The following TRPM4 variants were observed in gnomAD, a reference collection of about 807,000 sequenced individuals.
TRPM4 encodes transient receptor potential cation channel subfamily M member 4.
TRPM4 carries 124 observed loss-of-function variants against 135.6 expected under a neutral mutation model. The ratio of observed to expected loss-of-function variants is 0.91; its 90% CI spans 0.79 to 1.06. The LOEUF is 1.06. Ranked by LOEUF, TRPM4 falls within the 50% of genes least tolerant of loss-of-function variation. The pLI, the probability that TRPM4 is intolerant of heterozygous loss-of-function variation, is 0.00. For synonymous variants in TRPM4, 745 were observed against 705.6 expected (o/e 1.06, Z -0.88); for missense variants, 1,658 against 1,671.4 (o/e 0.99, Z 0.14).
At chr19:49,157,936 C>T in intron 1 of TRPM4, 46 bp downstream of exon 1, 1 of 1,527,634 alleles carries the variant, frequency 6.5e-7, no homozygotes, top group Non-Finnish European at 8.8e-7. Context: ...CTGGGGACCT[C>T]GCCTCCAGGC....
In TRPM4 at chr19:49,209,218, C is replaced by T. The variant is rs574989037; in HGVS notation, c.3132-991C>T. Among the ~76,000 whole-genome samples the T allele has an allele frequency of 2.6e-5, 4 of 152,266 alleles. 1 individual carries two copies. Among genetic ancestry groups the T allele is most frequent in the African/African-American group, 9.6e-5 (4 of 41,560 alleles). On this transcript the variant is annotated intron_variant, in intron 20 of 24. Transcript: ENST00000252826. ...ACATGTATATTCATAAGGGCTACTGCTCTGTAATTTTCTTGTGATATCTTT... is the reference window on the plus strand; with the variant it reads ...ACATGTATATTCATAAGGGCTACTGTTCTGTAATTTTCTTGTGATATCTTT...
Position 49,157,858 on chromosome 19 carries a change from C to G in TRPM4, c.-9C>G, listed in dbSNP as rs1425125322. ...CTGGGCTGCAGGAGGTTGCGGCGGCCGCGGCAGCATGGTGGTGCCGGAGAA... is the reference window on the plus strand; with the variant it reads ...CTGGGCTGCAGGAGGTTGCGGCGGCGGCGGCAGCATGGTGGTGCCGGAGAA... On this transcript the variant is annotated 5_prime_UTR_variant, in exon 1 of 25. Coordinates refer to ENST00000252826, the MANE Select transcript of TRPM4 (RefSeq NM_017636.4). 3.9e-6 allele frequency: 6 copies of G among 1,534,460 alleles called. No homozygotes were observed. The highest frequency in any genetic ancestry group is 5.2e-6 in the Non-Finnish European group (6 of 1,146,230).
rs1293346692 is a variant in TRPM4, at chr19:49,200,593, A to C, written c.2779-18A>C. On this transcript the variant is annotated intron_variant, in intron 18 of 24. Transcript: ENST00000252826. ...AGTAGGAAAGGGCGGGGCCAGACTC[A>C]GCCACATCTCCCCACAGATGAAGGA... The C allele has an allele frequency of 6.2e-7, 1 of 1,610,900 alleles. No individual in the cohort carries two copies. The highest frequency in any genetic ancestry group is 2.2e-5 in the East Asian group (1 of 44,870).
At chr19:49,182,452 C>T (rs140227212) in intron 10 of TRPM4, 126 bp from the exon 11 acceptor site, 3 of 84,342 alleles carry the variant, frequency 3.6e-5, no homozygotes, top group South Asian at 1.1e-4. Context: ...ATCCATCCAC[C>T]CATCCATCCA....
chr19:49,158,401 C>G (rs1038584735), intron 2 of TRPM4, 142 bp downstream of exon 2: 4 of 795,160 alleles, frequency 5.0e-6, no homozygotes, highest in Admixed American at 1.8e-5. Flanking sequence ...GACGCTCTCC[C>G]TCTAGGAGCG....
rs780207596 is a variant in TRPM4, at chr19:49,210,813, C to T, written c.3432C>T (p.Asp1144=). ...GCGCTAGGGACAAGCGGGAGAGCGA[C>T]TCCGAGCGTCTGAAGCGCACGTCCC... ...LARARDKRES[D]SERLKRTSQK... Residue 1144 remains aspartate, a synonymous_variant, in exon 22 of 25, where the codon GAC becomes GAT. Transcript: ENST00000252826. The surrounding 1 kb of genome is among the most constrained non-coding windows in gnomAD (Gnocchi z 4.1). 1 of 1,613,216 alleles carries T rather than the reference C, an allele frequency of 6.2e-7. No homozygotes were observed. Among genetic ancestry groups the T allele is most frequent in the Admixed American group, 1.7e-5 (1 of 59,790 alleles).
chr19:49,197,004 C>T lies in TRPM4; in HGVS notation c.2645+130C>T, dbSNP rs552716135. The T allele has an allele frequency of 8.4e-4, 751 of 891,314 alleles. 2 individuals are homozygous for T. Among genetic ancestry groups the T allele is most frequent in the Non-Finnish European group, 5.4e-4 (327 of 600,282 alleles). The allele number at this position is 891,314 out of a possible 1,614,324, so 55.2% of individuals were successfully genotyped here. On this transcript the variant is annotated intron_variant, in intron 17 of 24. Transcript: ENST00000252826. Reference sequence around the variant, plus strand: ...TCAAGCCAACCCTGCTGATTGAGAACCCCTCTTAGGAAAGTCGGGCATGAC... The same window carrying T: ...TCAAGCCAACCCTGCTGATTGAGAATCCCTCTTAGGAAAGTCGGGCATGAC...
intron 11 of TRPM4, 26 bp downstream of exon 11, chr19:49,182,948 C>A: frequency 6.4e-7 from 1 of 1,570,548 alleles, no homozygotes; most frequent in Non-Finnish European, 8.6e-7. Context: ...AGCTGGGGGG[C>A]CCCCCCGCGC....
chr19:49,208,419 G>A (rs1358145604), intron 20 of TRPM4, among the ~76,000 whole-genome samples: 2 of 152,080 alleles, frequency 1.3e-5, no homozygotes, highest in African/African-American at 4.8e-5. Flanking sequence ...CGGTCCGCTT[G>A]GTAACGGGAA....
rs114914449 is a variant in TRPM4, at chr19:49,209,322, G to A, written c.3132-887G>A. ...TTCTCTCCTTTTCAATCTTTTGGAC[G>A]AATTTGAGAAACATCCTTGTTATTA... On this transcript the variant is annotated intron_variant, in intron 20 of 24. Coordinates refer to ENST00000252826, the MANE Select transcript of TRPM4 (RefSeq NM_017636.4). 5.3e-3 allele frequency among the ~76,000 whole-genome samples: 803 copies of A among 152,252 alleles called. 6 individuals carry two copies. Among genetic ancestry groups the A allele is most frequent in the African/African-American group, 0.018 (759 of 41,548 alleles).
At chr19:49,177,981 G>A (rs1471265924) in intron 9 of TRPM4, among the ~76,000 whole-genome samples, 1 of 152,214 alleles carries the variant, frequency 6.6e-6, no homozygotes, top group African/African-American at 2.4e-5. Context: ...GCCAGGCAGA[G>A]GGGCTAAGGC....
intron 2 of TRPM4, among the ~76,000 whole-genome samples, chr19:49,165,836 C>T (rs1033786186): frequency 5.3e-5 from 8 of 152,182 alleles, no homozygotes; most frequent in Admixed American, 3.9e-4. Flanking sequence ...CACTGGCTTC[C>T]TTCCCGTGGG....
rs979257398 is a variant in TRPM4, at chr19:49,158,264, G to C, written c.92+5G>C. 6.2e-6 allele frequency: 10 copies of C among 1,613,658 alleles called. No homozygotes were observed. The highest frequency in any genetic ancestry group is 2.2e-5 in the East Asian group (1 of 44,810). On this transcript the variant is annotated splice_donor_5th_base_variant and intron_variant, in intron 2 of 24. Coordinates refer to ENST00000252826, the MANE Select transcript of TRPM4 (RefSeq NM_017636.4). Reference sequence around the variant, plus strand: ...AGTTGACTCCACAGATCCGGGGTGAGGAGTTCGCCCCTGGACTGACCCCAG... The same window carrying C: ...AGTTGACTCCACAGATCCGGGGTGACGAGTTCGCCCCTGGACTGACCCCAG...
intron 18 of TRPM4, 41 bp downstream of exon 18, chr19:49,200,473 A>C: frequency 6.2e-7 from 1 of 1,606,156 alleles, no homozygotes; most frequent in Non-Finnish European, 8.5e-7. Flanking sequence ...GGACATAGGG[A>C]AAGGGGTGGG....
chr19:49,200,275 C>T, intron 17 of TRPM4, 25 bp from the exon 18 acceptor site: 2 of 1,614,122 alleles, frequency 1.2e-6, no homozygotes, highest in Middle Eastern at 1.6e-4. Flanking sequence ...ACACTTGACC[C>T]TTGTGGCATC....
rs142312281 is a variant in TRPM4 at position 49,182,690 on chromosome 19, G to T, written c.1376G>T (p.Arg459Leu). 3 of 1,614,034 alleles carry T rather than the reference G, an allele frequency of 1.9e-6. No homozygotes were observed. Among genetic ancestry groups the T allele is most frequent in the Non-Finnish European group, 2.5e-6 (3 of 1,180,050 alleles). Residue 459 changes from arginine (R) to leucine (L), a missense_variant, in exon 11 of 25, where the codon CGC becomes CTC. Physicochemically the swap from Arg to Leu is moderately radical, Grantham distance 102. Coordinates refer to ENST00000252826, the MANE Select transcript of TRPM4 (RefSeq NM_017636.4). ...LSLGHFLTPM[R>L]LAQLYSAAPS... ...CTGGGCCACTTCCTGACCCCGATGCGCCTGGCCCAACTCTACAGCGCGGCG... is the reference window on the plus strand; with the variant it reads ...CTGGGCCACTTCCTGACCCCGATGCTCCTGGCCCAACTCTACAGCGCGGCG...
At position 49,202,821 on chromosome 19, in the gene TRPM4, C is replaced by T. The variant is rs904669277; in HGVS notation, c.3131+680C>T. Among the ~76,000 whole-genome samples the T allele has an allele frequency of 4.2e-4, 63 of 151,804 alleles. 1 individual carries two copies. Among genetic ancestry groups the T allele is most frequent in the Admixed American group, 2.1e-3 (32 of 15,226 alleles). On this transcript the variant is annotated intron_variant, in intron 20 of 24. Coordinates refer to ENST00000252826, the MANE Select transcript of TRPM4 (RefSeq NM_017636.4). The stretch of plus-strand genomic sequence containing the variant: ...TTGGGATTACAGGTGTGAGCCATCG[C>T]GCCCAGCCAACTTTGTTTTTTATTG...
chr19:49,157,795 G>T lies in TRPM4; in HGVS notation c.-72G>T, dbSNP rs2041538273. On this transcript the variant is annotated 5_prime_UTR_variant, in exon 1 of 25. Coordinates refer to ENST00000252826, the MANE Select transcript of TRPM4 (RefSeq NM_017636.4). ...TGGAGGATCCGGTTTGCTCTGGGCG[G>T]GTCTGGAAGCAGAGCCGGCGGAGGG... is the stretch of plus-strand genomic sequence containing the variant. 2 of 1,530,506 alleles carry T rather than the reference G, an allele frequency of 1.3e-6. No homozygotes were observed. The highest frequency in any genetic ancestry group is 2.4e-5 in the South Asian group (2 of 83,766). The allele number at this position is 1,530,506 out of a possible 1,614,324, so 94.8% of individuals were successfully genotyped here.
At chr19:49,172,600 C>T (rs1315520177) in intron 9 of TRPM4, among the ~76,000 whole-genome samples, 6 of 151,650 alleles carry the variant, frequency 4.0e-5, no homozygotes, top group Admixed American at 3.9e-4. Context: ...ACTGACAATT[C>T]CTGAGAATGC....
Sources: allele counts gnomAD v4.1 joint callset (sites outside exome capture counted in the v4.1 genomes callset), GRCh38; gene constraint gnomAD v4.1.1; non-coding constraint Gnocchi (gnomAD v3.1); transcripts MANE v1.5; gene names NCBI Gene and HGNC (gene_info 2026-07-23, HGNC 2026-07-21).